PTPRJ: variants seen among roughly 807,000 people sequenced by gnomAD.
The protein encoded by PTPRJ is receptor-type tyrosine-protein phosphatase eta.
Under a neutral mutation model 141.3 loss-of-function variants are expected in PTPRJ, and 129 were observed. The ratio of observed to expected loss-of-function variants is 0.91; its 90% CI spans 0.79 to 1.06. The LOEUF (loss-of-function observed/expected upper bound fraction) is 1.06, where lower values mean the gene tolerates loss of function less well. PTPRJ is among the 50% of genes least tolerant of loss of function. The probability of loss-of-function intolerance (pLI) is 0.00; values close to 1 mark genes in which losing one functional copy is unlikely to be tolerated. For synonymous variants in PTPRJ, 610 were observed against 640.5 expected, an observed-to-expected ratio of 0.95 and a Z score of 0.72; for missense variants, 1,601 against 1,679.7, an observed-to-expected ratio of 0.95 and a Z score of 0.82.
intron 1 of PTPRJ, among the ~76,000 whole-genome samples, chr11:47,992,567 C>G (rs1292201385): frequency 6.6e-6 from 1 of 152,068 alleles, no homozygotes; most frequent in Non-Finnish European, 1.5e-5. Context: ...TAGGTTGAAC[C>G]ATATAAAGTT....
intron 18 of PTPRJ, among the ~76,000 whole-genome samples, chr11:48,152,311 A>T (rs1857503498): frequency 6.6e-6 from 1 of 151,994 alleles, no homozygotes; most frequent in Non-Finnish European, 1.5e-5. Context: ...TTTTTCTTGT[A>T]AATTTGTTTA....
chr11:47,985,521 A>T (rs1003289983), intron 1 of PTPRJ, among the ~76,000 whole-genome samples: 1 of 151,380 alleles, frequency 6.6e-6, no homozygotes, highest in Non-Finnish European at 1.5e-5. Flanking sequence ...ACAGAGAAAT[A>T]AAAAAAAAGA....
intron 1 of PTPRJ, among the ~76,000 whole-genome samples, chr11:47,985,697 T>C (rs1452785406): frequency 1.3e-5 from 2 of 151,030 alleles, no homozygotes; most frequent in African/African-American, 4.9e-5. Flanking sequence ...TATTTATTTA[T>C]TTATTTATTT....
At chr11:48,038,638 C>T (rs1444095799) in intron 1 of PTPRJ, among the ~76,000 whole-genome samples, 1 of 151,832 alleles carries the variant, frequency 6.6e-6, no homozygotes, top group African/African-American at 2.4e-5. Context: ...TCTACAGGCG[C>T]ACGCCACCAT....
At chr11:48,011,578 C>T (rs991228138) in intron 1 of PTPRJ, among the ~76,000 whole-genome samples, 1 of 152,102 alleles carries the variant, frequency 6.6e-6, no homozygotes, top group Non-Finnish European at 1.5e-5. Flanking sequence ...GAGAACCTGC[C>T]CTGTTTGAAG....
rs1465678795 is a variant in PTPRJ, at chr11:48,142,907, GT to G, written c.2444-8del. On this transcript the variant is annotated splice_polypyrimidine_tract_variant and intron_variant, in intron 11 of 24. Transcript: ENST00000418331. ...ATATTGGGTGATCATGTTTTGTTTT[GT>G]TTTGTTTTAGATCCCCCTCCTCCAG... The G allele has an allele frequency of 2.5e-6, 4 of 1,610,268 alleles. No individual in the cohort carries two copies. The highest frequency in any genetic ancestry group is 2.5e-6 in the Non-Finnish European group (3 of 1,178,226).
chr11:48,041,736 C>T (rs1210449532), intron 1 of PTPRJ, among the ~76,000 whole-genome samples: 1 of 152,072 alleles, frequency 6.6e-6, no homozygotes, highest in East Asian at 1.9e-4. Flanking sequence ...GCGATCCTCC[C>T]ACCTTAGCCT....
At chr11:48,154,035 C>G (rs1857546212) in intron 19 of PTPRJ, 149 bp downstream of exon 19, 1 of 681,832 alleles carries the variant, frequency 1.5e-6, no homozygotes, top group Admixed American at 2.5e-5. Context: ...CATTATTCAC[C>G]TACTATGTGC....
At chr11:48,165,109 A>G (rs2134390479) in intron 24 of PTPRJ, among the ~76,000 whole-genome samples, 1 of 152,354 alleles carries the variant, frequency 6.6e-6, no homozygotes, top group African/African-American at 2.4e-5. Flanking sequence ...AAATAATCTT[A>G]GGACATCTTT....
chr11:48,170,298 C>T lies in PTPRJ; in HGVS notation c.*2936C>T, dbSNP rs1292541617. The T allele has an allele frequency of 6.6e-6, 1 of 152,026 alleles. No individual in the cohort carries two copies. Among genetic ancestry groups the T allele is most frequent in the Non-Finnish European group, 1.5e-5 (1 of 68,020 alleles). The allele number at this position is 152,026 out of a possible 1,614,324, so 9.4% of individuals were successfully genotyped here. A position where few individuals can be genotyped will look rare whatever the true frequency, so the allele number is the denominator to read the frequency against. ...AGTTGGATCTAGTGATGATCAGCAC[C>T]AGCAGGAAATGACATTTGGTGTCTG... is the stretch of plus-strand genomic sequence containing the variant. On this transcript the variant is annotated 3_prime_UTR_variant, in exon 25 of 25. Coordinates refer to ENST00000418331, the MANE Select transcript of PTPRJ (RefSeq NM_002843.4).
chr11:48,030,483 A>C (rs1051517717), intron 1 of PTPRJ, among the ~76,000 whole-genome samples: 15 of 152,300 alleles, frequency 9.8e-5, no homozygotes, highest in East Asian at 7.7e-4. Context: ...GAGGAAAGGC[A>C]CAGATCAAGA....
intron 1 of PTPRJ, among the ~76,000 whole-genome samples, chr11:47,996,289 C>T (rs191312632): frequency 1.5e-3 from 218 of 147,742 alleles, no homozygotes; most frequent in African/African-American, 5.3e-3. Flanking sequence ...GAGCCAAGAT[C>T]GCACCACTGC....
intron 1 of PTPRJ, among the ~76,000 whole-genome samples, chr11:47,993,038 A>T (rs1413547710): frequency 6.6e-6 from 1 of 152,134 alleles, no homozygotes; most frequent in Non-Finnish European, 1.5e-5. Flanking sequence ...GTCCCCAATT[A>T]TGCATTGTCA....
At chr11:48,102,984 T>C (rs1856187841) in intron 1 of PTPRJ, among the ~76,000 whole-genome samples, 1 of 152,140 alleles carries the variant, frequency 6.6e-6, no homozygotes, top group South Asian at 2.1e-4. Flanking sequence ...TAGACCATTC[T>C]GGGACAAGTT....
At chr11:48,010,072 A>T (rs1428651912) in intron 1 of PTPRJ, among the ~76,000 whole-genome samples, 1 of 152,208 alleles carries the variant, frequency 6.6e-6, no homozygotes, top group Non-Finnish European at 1.5e-5. Flanking sequence ...AGGTCCTTGC[A>T]TGTGATGGAG....
intron 1 of PTPRJ, among the ~76,000 whole-genome samples, chr11:47,989,174 C>T (rs1374217228): frequency 4.0e-5 from 6 of 150,888 alleles, no homozygotes; most frequent in African/African-American, 7.3e-5. Flanking sequence ...TGAGCCACCG[C>T]GCCTGGCCGT....
Position 47,999,863 on chromosome 11 carries a change from C to CTTTTTT in PTPRJ, c.96+18861_96+18866dup, listed in dbSNP as rs1209647054. ...CTTTTACTTTCATGCCGAGATTCTT[C>CTTTTTT]TTTTTTTTTTTGAGTCAGAGTCTCG... On this transcript the variant is annotated intron_variant, in intron 1 of 24. Coordinates refer to ENST00000418331, the MANE Select transcript of PTPRJ (RefSeq NM_002843.4). Among the ~76,000 whole-genome samples, 2 of 136,280 alleles carry CTTTTTT rather than the reference C, an allele frequency of 1.5e-5. 1 individual carries two copies. The highest frequency in any genetic ancestry group is 1.4e-4 in the Admixed American group (2 of 13,848). 89.4% of individuals were successfully genotyped at this position (136,280 alleles called of 152,430 possible). A position where few individuals can be genotyped will look rare whatever the true frequency, so the allele number is the denominator to read the frequency against.
chr11:48,084,886 A>G (rs1855656120), intron 1 of PTPRJ, among the ~76,000 whole-genome samples: 1 of 152,156 alleles, frequency 6.6e-6, no homozygotes, highest in Non-Finnish European at 1.5e-5. Context: ...TAAATTGTAC[A>G]ATTATTTGTA....
At chr11:48,162,952 C>T (rs1025064113) in intron 22 of PTPRJ, among the ~76,000 whole-genome samples, 4 of 152,158 alleles carry the variant, frequency 2.6e-5, no homozygotes, top group Non-Finnish European at 5.9e-5. Flanking sequence ...ATTCACTTCT[C>T]TAGGGGACAT....
Sources: allele counts gnomAD v4.1 joint callset (sites outside exome capture counted in the v4.1 genomes callset), GRCh38; gene constraint gnomAD v4.1.1; transcripts MANE v1.5; gene names NCBI Gene and HGNC (gene_info 2026-07-23, HGNC 2026-07-21).